CSF2RA: variants seen among roughly 807,000 people sequenced by gnomAD.
The protein encoded by CSF2RA is colony stimulating factor 2 receptor subunit alpha.
In CSF2RA, 42 loss-of-function variants were observed where a neutral mutation model predicts 51.6. The ratio of observed to expected loss-of-function variants is 0.81; its 90% CI spans 0.64 to 1.05. The LOEUF is 1.05. Ranked by LOEUF, CSF2RA falls within the 50% of genes least tolerant of loss-of-function variation. CSF2RA has a pLI of 0.00. For missense variants in CSF2RA, 530 were observed against 501.1 expected (o/e 1.06, Z -0.55); for synonymous variants, 222 against 193.0 (o/e 1.15, Z -1.24).
intron 3 of CSF2RA, among the ~76,000 whole-genome samples, chrX:1,283,781 G>T (rs1309167476): frequency 6.6e-6 from 1 of 151,918 alleles, no homozygotes; most frequent in East Asian, 1.9e-4. Flanking sequence ...TGTTGGCCAG[G>T]CTGGTCTCAA....
intron 12 of CSF2RA, among the ~76,000 whole-genome samples, chrX:1,307,767 TG>T (rs1187270062): frequency 1.5e-5 from 2 of 134,254 alleles, no homozygotes; most frequent in African/African-American, 5.2e-5. Flanking sequence ...GATCTTCAAC[TG>T]ATTAGATGAG....
At chrX:1,282,246 A>G (rs1470385887) in intron 2 of CSF2RA, 6 of 191,566 alleles carry the variant, frequency 3.1e-5, no homozygotes, top group African/African-American at 1.2e-4. Flanking sequence ...ACAAAACAAA[A>G]GTTATGAAAA....
intron 1 of CSF2RA, among the ~76,000 whole-genome samples, chrX:1,269,332 T>C (rs2088024987): frequency 1.3e-5 from 2 of 152,066 alleles, no homozygotes. Flanking sequence ...TTTCGAGAGA[T>C]GAACGCGGCC....
downstream of CSF2RA, among the ~76,000 whole-genome samples, chrX:1,312,323 GTCC>G (rs1391185950): frequency 1.2e-4 from 18 of 152,178 alleles, no homozygotes; most frequent in Middle Eastern, 3.4e-3. Flanking sequence ...TGGAATAAAA[GTCC>G]TCCTTCCATA....
Position 1,290,478 on chromosome X carries a change from C to A in CSF2RA, c.615C>A (p.Phe205Leu), listed in dbSNP as rs750757416. 4.8e-5 allele frequency: 78 copies of A among 1,613,732 alleles called. No individual in the cohort carries two copies. Among genetic ancestry groups the A allele is most frequent in the Non-Finnish European group, 6.4e-5 (76 of 1,179,838 alleles). The change falls in exon 7 of 13, where the codon TTC (phenylalanine) becomes TTA (leucine). Residue 205 changes from phenylalanine to leucine, a missense_variant. Transcript: ENST00000381529. ...CCAGCCGAGAAATTGGCATCCAATT[C>A]TTTGATTCACTTTTGGACACAAAGA... ...NGTSREIGIQ[F>L]FDSLLDTKKI...
rs868025094 is a variant in CSF2RA at position 1,284,202 on chromosome X, T to C, written c.76+1423T>C. The stretch of plus-strand genomic sequence containing the variant: ...TTTTCTTTCTCTGTCTCTCTTTTTT[T>C]TTTTTTTTTTTTTTTTTTTGAGACA... On this transcript the variant is annotated intron_variant, in intron 3 of 12. Coordinates refer to ENST00000381529, the MANE Select transcript of CSF2RA (RefSeq NM_172245.4). Among the ~76,000 whole-genome samples the C allele has an allele frequency of 2.3e-4, 31 of 133,408 alleles. 4 individuals carry two copies. The highest frequency in any genetic ancestry group is 4.6e-4 in the Admixed American group (6 of 13,036). 87.5% of individuals were successfully genotyped at this position (133,408 alleles called of 152,430 possible).
chrX:1,321,707 T>C, the CSF2RA span, among the ~76,000 whole-genome samples: 1 of 152,142 alleles, frequency 6.6e-6, no homozygotes, highest in Admixed American at 6.6e-5. Flanking sequence ...AAGAAGACCA[T>C]TGTGTATTGT....
chrX:1,282,342 T>C, intron 2 of CSF2RA: 1 of 342,572 alleles, frequency 2.9e-6, no homozygotes, highest in Non-Finnish European at 5.4e-6. Flanking sequence ...TGAATGAAAG[T>C]GACTGCAATT....
At chrX:1,310,667 C>CAAAA (rs542174861), downstream of CSF2RA, among the ~76,000 whole-genome samples, 1 of 121,618 alleles carries the variant, frequency 8.2e-6, no homozygotes, top group African/African-American at 2.9e-5. Flanking sequence ...GACTCCATCT[C>CAAAA]AAAAAAAAAA....
chrX:1,314,839 A>G (rs370181448), downstream of CSF2RA, among the ~76,000 whole-genome samples: 35 of 95,464 alleles, frequency 3.7e-4, no homozygotes, highest in African/African-American at 4.5e-4. Context: ...ACCGCACTGC[A>G]CCTGCCCAAT....
chrX:1,295,312 C>A, intron 8 of CSF2RA, 115 bp from the exon 9 acceptor site: 1 of 1,345,972 alleles, frequency 7.4e-7, no homozygotes, highest in Non-Finnish European at 1.1e-6. Flanking sequence ...CCTGCCACTC[C>A]GCAGGGACTC....
chrX:1,309,749 A>G lies in CSF2RA; in HGVS notation c.*270A>G, dbSNP rs1369213068. The G allele has an allele frequency of 6.1e-5, 42 of 690,888 alleles. No homozygotes were observed. The highest frequency in any genetic ancestry group is 9.1e-5 in the Non-Finnish European group (36 of 393,536). The allele number at this position is 690,888 out of a possible 1,614,324, so 42.8% of individuals were successfully genotyped here. ...TAAAAATGCAGAAATTTACCCAGGC[A>G]CGGCGGCGGACGCCCATCATCCCAG... On this transcript the variant is annotated 3_prime_UTR_variant, in exon 13 of 13. Coordinates refer to ENST00000381529, the MANE Select transcript of CSF2RA (RefSeq NM_172245.4).
downstream of CSF2RA, among the ~76,000 whole-genome samples, chrX:1,315,206 G>A (rs1417620049): frequency 2.0e-4 from 31 of 152,146 alleles, no homozygotes; most frequent in African/African-American, 7.5e-4. Context: ...ATTCTATGAT[G>A]AGGACAGGTG....
rs750312099 is a variant in CSF2RA, at chrX:1,285,734, A to G, written c.77-44A>G. On this transcript the variant is annotated intron_variant, in intron 3 of 12. Coordinates refer to ENST00000381529, the MANE Select transcript of CSF2RA (RefSeq NM_172245.4). ...AAAAAAAAAAAAAAAAAAAAAAAGG[A>G]AAAGAAAAGAGGAAATTCTGAACCC... The G allele has an allele frequency of 1.2e-5, 18 of 1,510,242 alleles. 1 individual carries two copies. In the African/African-American group the frequency reaches 1.8e-4, roughly 15 times the overall value. 93.6% of individuals were successfully genotyped at this position (1,510,242 alleles called of 1,614,324 possible). A position where few individuals can be genotyped will look rare whatever the true frequency, so the allele number is the denominator to read the frequency against.
At chrX:1,304,105 T>A in intron 11 of CSF2RA, 86 bp downstream of exon 11, 4 of 1,193,894 alleles carry the variant, frequency 3.4e-6, no homozygotes, top group Non-Finnish European at 5.0e-6. Flanking sequence ...TCTCTGTCTC[T>A]GAGAAAGAGA....
chrX:1,314,228 T>A (rs1304479985), downstream of CSF2RA, among the ~76,000 whole-genome samples: 6 of 149,000 alleles, frequency 4.0e-5, 1 homozygote, highest in East Asian at 4.0e-4. Flanking sequence ...CCAACCCCAC[T>A]GCACCTGCCC....
intron 7 of CSF2RA, among the ~76,000 whole-genome samples, chrX:1,292,737 C>T (rs759451854): frequency 6.6e-6 from 1 of 152,208 alleles, no homozygotes; most frequent in Admixed American, 6.5e-5. Flanking sequence ...AACGAATGTA[C>T]GATCGGGTTT....
At chrX:1,315,808 TAGATAGA>T in the CSF2RA span, among the ~76,000 whole-genome samples, 1 of 81,232 alleles carries the variant, frequency 1.2e-5, no homozygotes, top group African/African-American at 3.7e-5. Flanking sequence ...GATAGATAGA[TAGATAGA>T]TAGATTAGAT....
In CSF2RA at chrX:1,300,584, C is replaced by G; in HGVS notation, c.904C>G (p.Arg302Gly). The G allele has an allele frequency of 6.2e-7, 1 of 1,613,860 alleles. No individual in the cohort carries two copies. Among genetic ancestry groups the G allele is most frequent in the East Asian group, 2.2e-5 (1 of 44,874 alleles). ...HSVKIRAADV[R>G]ILNWSSWSEA... ...TGTGAAGATCAGAGCTGCAGACGTC[C>G]GCATCTTGAATTGGAGCTCCTGGAG... The change falls in exon 10 of 13, where the codon CGC becomes GGC. Residue 302 changes from arginine to glycine, a missense_variant. Physicochemically the swap from Arg to Gly is moderately radical, Grantham distance 125. Transcript: ENST00000381529.
Sources: gnomAD v4.1 joint callset for allele counts (sites outside exome capture counted in the v4.1 genomes callset) on GRCh38, gnomAD v4.1.1 for gene constraint, MANE v1.5 for transcripts, NCBI Gene and HGNC (gene_info 2026-07-23, HGNC 2026-07-21) for gene names.